The following SGCZ variants were observed in gnomAD, a reference collection of about 807,000 sequenced individuals.
SGCZ encodes sarcoglycan zeta, also known as zeta-sarcoglycan.
A neutral mutation model predicts 41.3 loss-of-function variants in SGCZ; 40 were observed. That is an observed-to-expected ratio of 0.97 (90% CI 0.75 to 1.26). The LOEUF (loss-of-function observed/expected upper bound fraction) is 1.26, where lower values mean the gene tolerates loss of function less well. Among genes scored for constraint, SGCZ ranks in the 50% most tolerant of loss-of-function variants. The pLI is 0.00. For synonymous variants in SGCZ, 206 were observed against 137.5 expected, an observed-to-expected ratio of 1.50 and a Z score of -3.49; for missense variants, 552 against 369.8, an observed-to-expected ratio of 1.49 and a Z score of -4.04.
intron 1 of SGCZ, among the ~76,000 whole-genome samples, chr8:14,729,813 G>A (rs983135820): frequency 2.6e-5 from 4 of 152,186 alleles, no homozygotes; most frequent in Admixed American, 2.6e-4. Context: ...GGGAAGGCAT[G>A]GTGGCTCACA....
intron 1 of SGCZ, among the ~76,000 whole-genome samples, chr8:15,030,830 A>T (rs1311111989): frequency 6.6e-6 from 1 of 152,176 alleles, no homozygotes; most frequent in Non-Finnish European, 1.5e-5. Flanking sequence ...GGCTTCCCAG[A>T]AGAAGGGCTA....
At chr8:14,352,015 A>G (rs1323918655) in intron 2 of SGCZ, among the ~76,000 whole-genome samples, 1 of 152,178 alleles carries the variant, frequency 6.6e-6, no homozygotes, top group Admixed American at 6.6e-5. Context: ...TATGAAATAC[A>G]TAGCACGGTA....
intron 1 of SGCZ, among the ~76,000 whole-genome samples, chr8:14,914,213 T>C (rs1799360854): frequency 6.8e-6 from 1 of 147,950 alleles, no homozygotes. Context: ...TCATTTTATA[T>C]ATATAAATAT....
At chr8:14,408,970 T>C (rs1485536651) in intron 2 of SGCZ, among the ~76,000 whole-genome samples, 2 of 103,738 alleles carry the variant, frequency 1.9e-5, no homozygotes, top group African/African-American at 3.9e-5. Flanking sequence ...TGTGTGTGTG[T>C]GCATGTGTGC....
chr8:15,230,312 C>T (rs1377006059), intron 1 of SGCZ, among the ~76,000 whole-genome samples: 3 of 152,066 alleles, frequency 2.0e-5, no homozygotes, highest in African/African-American at 7.2e-5. Context: ...TGAAAAATCT[C>T]TACCATCAGA....
chr8:14,309,429 T>C, intron 3 of SGCZ: 1 of 1,606,538 alleles, frequency 6.2e-7, no homozygotes, highest in Non-Finnish European at 8.5e-7. Flanking sequence ...CTTCTGTGCC[T>C]TATTGGACAA....
intron 2 of SGCZ, among the ~76,000 whole-genome samples, chr8:14,518,159 G>T (rs962480231): frequency 2.6e-5 from 4 of 151,606 alleles, no homozygotes; most frequent in African/African-American, 2.4e-5. Context: ...TCCCAGTAAG[G>T]TTTAAATTTT....
chr8:14,769,026 TAC>T (rs377162129), intron 1 of SGCZ, among the ~76,000 whole-genome samples: 7 of 151,072 alleles, frequency 4.6e-5, no homozygotes, highest in African/African-American at 7.3e-5. Flanking sequence ...CACTCTCTGA[TAC>T]ACACACACAC....
chr8:14,700,396 G>C (rs1809098224), intron 1 of SGCZ, among the ~76,000 whole-genome samples: 1 of 151,904 alleles, frequency 6.6e-6, no homozygotes, highest in African/African-American at 2.4e-5. Context: ...TATTATAAAT[G>C]GGAGCTAAAC....
intron 3 of SGCZ, among the ~76,000 whole-genome samples, chr8:14,259,787 G>T (rs954198302): frequency 6.7e-6 from 1 of 150,368 alleles, no homozygotes; most frequent in African/African-American, 2.4e-5. Flanking sequence ...TTGACTTGGC[G>T]ATGCGGGCTC....
At chr8:14,140,531 C>T (rs1375052344) in intron 5 of SGCZ, among the ~76,000 whole-genome samples, 1 of 152,072 alleles carries the variant, frequency 6.6e-6, no homozygotes, top group Non-Finnish European at 1.5e-5. Flanking sequence ...CAATAACAGA[C>T]AAACAGAGAG....
intron 1 of SGCZ, among the ~76,000 whole-genome samples, chr8:15,177,813 C>T (rs750895): frequency 0.41 from 61,899 of 151,986 alleles, 14,307 homozygotes; most frequent in Non-Finnish European, 0.5. Context: ...AACCAGTATA[C>T]GTGGACCTTT....
chr8:14,168,496 C>T (rs575018033), intron 4 of SGCZ, among the ~76,000 whole-genome samples: 1 of 152,152 alleles, frequency 6.6e-6, no homozygotes, highest in South Asian at 2.1e-4. Context: ...GAATAAGTCT[C>T]ATGAGATCTG....
intron 1 of SGCZ, among the ~76,000 whole-genome samples, chr8:14,797,518 G>A (rs1374070907): frequency 6.6e-6 from 1 of 152,206 alleles, no homozygotes. Context: ...AAGCATTCAA[G>A]AGGATGGCTA....
chr8:15,213,536 C>T (rs1801303789), intron 1 of SGCZ, among the ~76,000 whole-genome samples: 1 of 151,296 alleles, frequency 6.6e-6, no homozygotes, highest in African/African-American at 2.4e-5. Flanking sequence ...TAGTATCTTT[C>T]TATTTGCTAT....
chr8:14,737,153 A>C (rs1585220494), intron 1 of SGCZ, among the ~76,000 whole-genome samples: 1 of 130,752 alleles, frequency 7.6e-6, no homozygotes. Flanking sequence ...ATATATATAT[A>C]TCTATATACC....
chr8:14,727,488 A>G (rs115510494), intron 1 of SGCZ, among the ~76,000 whole-genome samples: 3,147 of 152,084 alleles, frequency 0.021, 78 homozygotes, highest in African/African-American at 0.055. Context: ...GTATTTCACA[A>G]GAGAAATGAA....
chr8:14,486,833 C>T (rs530705642), intron 2 of SGCZ, among the ~76,000 whole-genome samples: 3 of 152,288 alleles, frequency 2.0e-5, no homozygotes, highest in South Asian at 2.1e-4. Flanking sequence ...TGAATGATTA[C>T]GTTTTAAAGT....
intron 1 of SGCZ, among the ~76,000 whole-genome samples, chr8:14,674,928 G>GTTTTTTTTTT (rs201881681): frequency 4.2e-5 from 3 of 71,012 alleles, no homozygotes; most frequent in East Asian, 9.7e-4. Flanking sequence ...TTTCTTTTCT[G>GTTTTTTTTTT]TTTTTTTTTT....
Sources: allele counts gnomAD v4.1 joint callset (sites outside exome capture counted in the v4.1 genomes callset), GRCh38; gene constraint gnomAD v4.1.1; transcripts MANE v1.5; gene names NCBI Gene and HGNC (gene_info 2026-07-23, HGNC 2026-07-21).